The following MTF2 variants were observed in gnomAD, a reference collection of about 807,000 sequenced individuals.
MTF2 encodes metal response element binding transcription factor 2.
In MTF2, 11 loss-of-function variants were observed where a neutral mutation model predicts 79.5. The observed-to-expected ratio is 0.14, with a 90% CI of 0.09 to 0.23. The LOEUF is 0.23. Ranked by LOEUF, MTF2 falls within the 10% of genes least tolerant of loss-of-function variation. MTF2 has a pLI of 1.00. For synonymous variants in MTF2, 208 were observed against 232.8 expected (o/e 0.89, Z 0.97); for missense variants, 486 against 711.2 (o/e 0.68, Z 3.60).
At chr1:93,105,067 C>T (rs1405173369) in intron 1 of MTF2, among the ~76,000 whole-genome samples, 2 of 142,132 alleles carry the variant, frequency 1.4e-5, no homozygotes, top group East Asian at 2.2e-4. Flanking sequence ...TGGCGTGAAC[C>T]TGGGAGGCGG....
chr1:93,086,605 G>A (rs1313490906), intron 1 of MTF2, among the ~76,000 whole-genome samples: 5 of 152,058 alleles, frequency 3.3e-5, no homozygotes, highest in Admixed American at 2.6e-4. Flanking sequence ...TAATTGATAG[G>A]CAGCCCCGGG....
chr1:93,127,865 T>A (rs1416342623), intron 10 of MTF2, among the ~76,000 whole-genome samples: 1 of 152,116 alleles, frequency 6.6e-6, no homozygotes, highest in Non-Finnish European at 1.5e-5. Flanking sequence ...GATTCCCTTC[T>A]TTTTAAAACA....
In MTF2 at chr1:93,119,372, A is replaced by G. The variant is rs769708447; in HGVS notation, c.768A>G (p.Pro256=). The G allele has an allele frequency of 6.9e-6, 11 of 1,605,250 alleles. No individual in the cohort carries two copies. In the African/African-American group the frequency reaches 1.4e-4, roughly 20 times the overall value. Residue 256 remains proline, a synonymous_variant, in exon 8 of 15, where the codon CCA becomes CCG. Transcript: ENST00000370298. ...TATGCTCTGTCTGCAGTTCTGGACC[A>G]GAATACCTCAAACGTCTACCATTAC... is the stretch of plus-strand genomic sequence containing the variant. The part of the protein sequence containing the change: ...TFICSVCSSG[P]EYLKRLPLQW...
intron 1 of MTF2, among the ~76,000 whole-genome samples, chr1:93,094,206 A>G (rs193212428): frequency 7.1e-4 from 107 of 151,760 alleles, no homozygotes; most frequent in Non-Finnish European, 1.1e-3. Flanking sequence ...TTCTGTTTTC[A>G]CATGTTGGAT....
chr1:93,101,869 T>G (rs576835204), intron 1 of MTF2, among the ~76,000 whole-genome samples: 1 of 152,230 alleles, frequency 6.6e-6, no homozygotes, highest in African/African-American at 2.4e-5. Flanking sequence ...TGAGCCACAA[T>G]GCCTGGCCCG....
At chr1:93,105,921 G>T (rs981848272) in intron 1 of MTF2, among the ~76,000 whole-genome samples, 1 of 152,088 alleles carries the variant, frequency 6.6e-6, no homozygotes, top group African/African-American at 2.4e-5. Context: ...TGATCTGCCC[G>T]ACCCGTTCTC....
chr1:93,134,234 C>A, intron 14 of MTF2, 39 bp downstream of exon 14: 1 of 1,398,904 alleles, frequency 7.1e-7, no homozygotes, highest in Non-Finnish European at 1.0e-6. Context: ...ACTTTTTTTA[C>A]TCTAGATTTC....
At chr1:93,128,000 A>G (rs1656768419) in intron 10 of MTF2, among the ~76,000 whole-genome samples, 2 of 152,156 alleles carry the variant, frequency 1.3e-5, no homozygotes, top group South Asian at 2.1e-4. Context: ...TGAAATTGAT[A>G]GTATTTCTTC....
At chr1:93,121,404 T>TA in intron 9 of MTF2, 1 of 862,350 alleles carries the variant, frequency 1.2e-6, no homozygotes, top group Non-Finnish European at 1.4e-6. Context: ...TAGTTAAAAC[T>TA]AAAAAATTTG....
chr1:93,096,812 T>TTC lies in MTF2; in HGVS notation c.6-13417_6-13416insCT, dbSNP rs199624618. Among the ~76,000 whole-genome samples the TTC allele has an allele frequency of 5.0e-3, 680 of 135,312 alleles. 4 individuals carry two copies. Among genetic ancestry groups the TTC allele is most frequent in the Non-Finnish European group, 7.8e-3 (487 of 62,786 alleles). The allele number at this position is 135,312 out of a possible 152,430, so 88.8% of individuals were successfully genotyped here. On this transcript the variant is annotated intron_variant, in intron 1 of 14. Transcript: ENST00000370298. The stretch of plus-strand genomic sequence containing the variant: ...ATATTTTCTTTTTTTCTTTTTCTTT[T>TTC]TTTTTTTTTTTTTTTGGAGACAGGG...
chr1:93,134,686 A>G lies in MTF2; in HGVS notation c.1424+491A>G, dbSNP rs946823575. ...ACTACAGATTGTGCCACCACACCTA[A>G]GTAATGCTTTTTTATTTTTTGTAGA... is the stretch of plus-strand genomic sequence containing the variant. On this transcript the variant is annotated intron_variant, in intron 14 of 14. Transcript: ENST00000370298. Among the ~76,000 whole-genome samples the G allele has an allele frequency of 4.3e-4, 65 of 151,980 alleles. 1 individual carries two copies. The highest frequency in any genetic ancestry group is 2.8e-4 in the Non-Finnish European group (19 of 67,970).
intron 1 of MTF2, among the ~76,000 whole-genome samples, chr1:93,080,700 C>T (rs1451297843): frequency 6.6e-5 from 10 of 151,926 alleles, no homozygotes; most frequent in Middle Eastern, 6.9e-3. Context: ...CCATGTGACC[C>T]TCCTGTATAC....
chr1:93,103,250 A>G (rs1655623617), intron 1 of MTF2, among the ~76,000 whole-genome samples: 1 of 151,356 alleles, frequency 6.6e-6, no homozygotes, highest in African/African-American at 2.4e-5. Context: ...ATTTTATTAT[A>G]TATATATTAA....
chr1:93,101,392 T>TC (rs1296701776), intron 1 of MTF2, among the ~76,000 whole-genome samples: 1 of 131,904 alleles, frequency 7.6e-6, no homozygotes, highest in African/African-American at 2.9e-5. Flanking sequence ...TTTTTTTTTT[T>TC]AAAAGGAGAT....
chr1:93,102,776 A>G (rs1001130069), intron 1 of MTF2, among the ~76,000 whole-genome samples: 8 of 152,090 alleles, frequency 5.3e-5, no homozygotes, highest in Non-Finnish European at 1.0e-4. Flanking sequence ...TACCTATGAT[A>G]TTTAAAAATA....
At chr1:93,122,410 T>G (rs1656519532) in intron 9 of MTF2, among the ~76,000 whole-genome samples, 1 of 152,088 alleles carries the variant, frequency 6.6e-6, no homozygotes, top group Non-Finnish European at 1.5e-5. Context: ...AAATTTAAAT[T>G]TTAGTGTTTA....
At chr1:93,126,256 C>G (rs113263825) in intron 9 of MTF2, among the ~76,000 whole-genome samples, 1 of 151,924 alleles carries the variant, frequency 6.6e-6, no homozygotes, top group Non-Finnish European at 1.5e-5. Context: ...CTAGCTCTCT[C>G]ACCAACTAGA....
rs550485970 is a variant in MTF2, at chr1:93,120,822, A to G, written c.921+150A>G. 1.2e-5 allele frequency: 17 copies of G among 1,382,606 alleles called. No homozygotes were observed. The South Asian group carries it at 2.3e-4, about 18-fold the overall frequency. The allele number at this position is 1,382,606 out of a possible 1,614,324, so 85.6% of individuals were successfully genotyped here. A position where few individuals can be genotyped will look rare whatever the true frequency, so the allele number is the denominator to read the frequency against. On this transcript the variant is annotated intron_variant, in intron 9 of 14. Transcript: ENST00000370298. The stretch of plus-strand genomic sequence containing the variant: ...CTGGGGACAAATAAGTTTGGTATGG[A>G]TATCAGGACCAGCCTTCTCATCCTC...
intron 9 of MTF2, chr1:93,121,159 A>C: frequency 1.0e-6 from 1 of 984,812 alleles, no homozygotes; most frequent in Non-Finnish European, 1.2e-6. Context: ...CTGAATAGAA[A>C]ATTATCCCCT....
Sources: gnomAD v4.1 joint callset for allele counts (sites outside exome capture counted in the v4.1 genomes callset) on GRCh38, gnomAD v4.1.1 for gene constraint, MANE v1.5 for transcripts, NCBI Gene and HGNC (gene_info 2026-07-23, HGNC 2026-07-21) for gene names.